Variants in ZNF737 observed in about 807,000 individuals in gnomAD.
The protein encoded by ZNF737 is zinc finger protein 102 (Y3).
Under a neutral mutation model 11.7 loss-of-function variants are expected in ZNF737, and 13 were observed. The observed-to-expected ratio is 1.11, with a 90% CI of 0.73 to 1.77. The LOEUF (loss-of-function observed/expected upper bound fraction) is 1.77, where lower values mean the gene tolerates loss of function less well. Among genes scored for constraint, ZNF737 ranks in the 40% most tolerant of loss-of-function variants. ZNF737 has a pLI of 0.00. For missense variants in ZNF737, 636 were observed against 638.0 expected (o/e 1.00, Z 0.03); for synonymous variants, 217 against 216.2 (o/e 1.00, Z -0.03).
At chr19:20,554,036 A>T (rs191111647) in intron 1 of ZNF737, among the ~76,000 whole-genome samples, 1 of 152,354 alleles carries the variant, frequency 6.6e-6, no homozygotes, top group African/African-American at 2.4e-5. Flanking sequence ...GATCCACAAC[A>T]TCAGTTCATG....
rs1202148715 is a variant in ZNF737, at chr19:20,541,201, CAT to C, written c.*3389_*3390del. On this transcript the variant is annotated 3_prime_UTR_variant, in exon 4 of 4. Coordinates refer to ENST00000427401, the MANE Select transcript of ZNF737 (RefSeq NM_001159293.2). ...TTAGTTTTGTTAATCACCTAAATAA[CAT>C]AATTTGTTTTGTTGCAGTAATTGCT... 4.1e-6 allele frequency: 4 copies of C among 983,010 alleles called. No individual in the cohort carries two copies. The South Asian group carries it at 1.4e-4, about 35-fold the overall frequency. The allele number at this position is 983,010 out of a possible 1,614,324, so 60.9% of individuals were successfully genotyped here.
intron 1 of ZNF737, among the ~76,000 whole-genome samples, chr19:20,554,261 T>C (rs1968803832): frequency 6.6e-6 from 1 of 152,182 alleles, no homozygotes; most frequent in African/African-American, 2.4e-5. Flanking sequence ...GGAATAAAGT[T>C]TGATTTTTTG....
downstream of ZNF737, among the ~76,000 whole-genome samples, chr19:20,531,570 C>T (rs1420420298): frequency 1.3e-5 from 2 of 149,470 alleles, no homozygotes; most frequent in Non-Finnish European, 3.0e-5. Context: ...ATTATCCTGC[C>T]TCTGCCTCCC....
chr19:20,548,621 CTTT>C (rs1323662549), intron 3 of ZNF737, among the ~76,000 whole-genome samples: 1 of 148,136 alleles, frequency 6.8e-6, no homozygotes, highest in African/African-American at 2.5e-5. Context: ...AAATGAACAG[CTTT>C]TTTTTTTGAG....
downstream of ZNF737, among the ~76,000 whole-genome samples, chr19:20,533,908 C>T (rs1386930316): frequency 6.7e-6 from 1 of 150,030 alleles, no homozygotes; most frequent in Non-Finnish European, 1.5e-5. Context: ...TTGAAATCAC[C>T]TGGACTGAGT....
intron 1 of ZNF737, 56 bp from the exon 2 acceptor site, chr19:20,553,891 A>G (rs1197676995): frequency 6.3e-7 from 1 of 1,586,898 alleles, no homozygotes; most frequent in East Asian, 2.2e-5. Context: ...GGAATTTTTA[A>G]TTTGACTTAA....
downstream of ZNF737, among the ~76,000 whole-genome samples, chr19:20,531,425 C>G (rs567393417): frequency 6.9e-6 from 1 of 145,366 alleles, no homozygotes; most frequent in South Asian, 2.3e-4. Context: ...TATAAAAGTA[C>G]TTTAAAGGTT....
rs192862158 is a variant in ZNF737 at position 20,542,885 on chromosome 19, C to T, written c.*1707G>A. 1.0e-6 allele frequency: 1 copy of T among 984,912 alleles called. No homozygotes were observed. Among genetic ancestry groups the T allele is most frequent in the African/African-American group, 1.7e-5 (1 of 57,226 alleles). 61.0% of individuals were successfully genotyped at this position (984,912 alleles called of 1,614,324 possible). The stretch of plus-strand genomic sequence containing the variant: ...GCATAATTTGAAAGCTGTATTACAT[C>T]ATTATTCAGCTTTCAAAAAATTTTA... On this transcript the variant is annotated 3_prime_UTR_variant, in exon 4 of 4. Transcript: ENST00000427401.
chr19:20,545,432 G>C lies in ZNF737; in HGVS notation c.771C>G (p.Tyr257Ter), dbSNP rs782645359. Reference sequence around the variant, plus strand: ...AGGCCTTGCCACATTCTTCACATTTGTAGGGTTTCTCTCCACTATGAATTA... The same window carrying C: ...AGGCCTTGCCACATTCTTCACATTTCTAGGGTTTCTCTCCACTATGAATTA... ...HKIIHSGEKP[Y>*]KCEECGKAFK... Residue 257 changes from tyrosine (Y) to a stop codon, truncating the protein, a stop_gained, in exon 4 of 4, where the codon TAC (tyrosine) becomes TAG (stop). Transcript: ENST00000427401. LOFTEE classifies it low-confidence loss of function (END_TRUNC). The C allele has an allele frequency of 1.3e-5, 21 of 1,613,746 alleles. 2 individuals carry two copies. In the South Asian group the frequency reaches 2.2e-4, roughly 17 times the overall value.
In ZNF737 at chr19:20,541,273, T is replaced by C. The variant is rs570380061; in HGVS notation, c.*3319A>G. 47 of 984,652 alleles carry C rather than the reference T, an allele frequency of 4.8e-5. No individual in the cohort carries two copies. Among genetic ancestry groups the C allele is most frequent in the Middle Eastern group, 5.2e-4 (1 of 1,914 alleles). 61.0% of individuals were successfully genotyped at this position (984,652 alleles called of 1,614,324 possible). A position where few individuals can be genotyped will look rare whatever the true frequency, so the allele number is the denominator to read the frequency against. Reference sequence around the variant, plus strand: ...CAAACCTATACTCACACAAAAACACTCAATTCATAATTTTCTTACACCTCA... The same window carrying C: ...CAAACCTATACTCACACAAAAACACCCAATTCATAATTTTCTTACACCTCA... On this transcript the variant is annotated 3_prime_UTR_variant, in exon 4 of 4. Transcript: ENST00000427401.
rs782005740 is a variant in ZNF737, at chr19:20,544,765, G to T, written c.1438C>A (p.Pro480Thr). ...TTGCCACATCGTTCACATTTGTAGG[G>T]TTTCTCTCCAGTATGAATTCTCTTA... ...AHKRIHTGEK[P>T]YKCERCGKAF... is the part of the protein sequence containing the mutation. Residue 480 changes from proline to threonine, a missense_variant, in exon 4 of 4, where the codon CCC becomes ACC. Pro to Thr is a conservative substitution (Grantham distance 38). Coordinates refer to ENST00000427401, the MANE Select transcript of ZNF737 (RefSeq NM_001159293.2). 1 of 1,609,218 alleles carries T rather than the reference G, an allele frequency of 6.2e-7. No homozygotes were observed. The highest frequency in any genetic ancestry group is 2.3e-5 in the East Asian group (1 of 44,418).
rs2144604391 is a variant in ZNF737 at position 20,543,398 on chromosome 19, A to C, written c.*1194T>G. The C allele has an allele frequency of 1.0e-6, 1 of 986,370 alleles. No homozygotes were observed. The highest frequency in any genetic ancestry group is 1.2e-6 in the Non-Finnish European group (1 of 829,670). The allele number at this position is 986,370 out of a possible 1,614,324, so 61.1% of individuals were successfully genotyped here. A position where few individuals can be genotyped will look rare whatever the true frequency, so the allele number is the denominator to read the frequency against. On this transcript the variant is annotated 3_prime_UTR_variant, in exon 4 of 4. Coordinates refer to ENST00000427401, the MANE Select transcript of ZNF737 (RefSeq NM_001159293.2). Reference sequence around the variant, plus strand: ...TGTAATGCTTGTCTTCACAATAAATACTCTTCTTCACTTTAAAGGCTTATA... The same window carrying C: ...TGTAATGCTTGTCTTCACAATAAATCCTCTTCTTCACTTTAAAGGCTTATA...
At chr19:20,537,347 C>G (rs1968010670), downstream of ZNF737, among the ~76,000 whole-genome samples, 1 of 151,324 alleles carries the variant, frequency 6.6e-6, no homozygotes, top group Non-Finnish European at 1.5e-5. Context: ...ATTACAGGCA[C>G]CTGCAACCAC....
At chr19:20,548,604 A>G (rs922918709) in intron 3 of ZNF737, among the ~76,000 whole-genome samples, 2 of 152,004 alleles carry the variant, frequency 1.3e-5, no homozygotes, top group African/African-American at 4.8e-5. Flanking sequence ...TATACTTAAC[A>G]TGACTGAAAT....
downstream of ZNF737, among the ~76,000 whole-genome samples, chr19:20,536,446 C>T (rs1967969420): frequency 6.6e-6 from 1 of 152,074 alleles, no homozygotes; most frequent in Admixed American, 6.5e-5. Context: ...TATTTCAATG[C>T]CTCCTTCACT....
intron 3 of ZNF737, among the ~76,000 whole-genome samples, chr19:20,547,599 A>G (rs1439173854): frequency 6.6e-6 from 1 of 152,064 alleles, no homozygotes; most frequent in East Asian, 1.9e-4. Flanking sequence ...AAAGTTGTTT[A>G]TTTCCTTGAA....
Position 20,544,628 on chromosome 19 carries a change from A to T in ZNF737, c.1575T>A (p.Thr525=). ...GKGFKCPSTL[T]THKVIHTGEK... is the part of the protein sequence containing the mutation. ...CTCCAGTATGAATTACCTTATGTGTAGTAAGGGTAGAGGGGCACTTAAAGC... is the reference window on the plus strand; with the variant it reads ...CTCCAGTATGAATTACCTTATGTGTTGTAAGGGTAGAGGGGCACTTAAAGC... The change falls in exon 4 of 4, where the codon ACT becomes ACA. Residue 525 remains threonine (T), a synonymous_variant. Transcript: ENST00000427401. 6.2e-7 allele frequency: 1 copy of T among 1,609,760 alleles called. No homozygotes were observed. Among genetic ancestry groups the T allele is most frequent in the South Asian group, 1.1e-5 (1 of 90,712 alleles).
intron 3 of ZNF737, among the ~76,000 whole-genome samples, chr19:20,548,661 T>G (rs540015226): frequency 6.6e-6 from 1 of 152,134 alleles, no homozygotes; most frequent in South Asian, 2.1e-4. Flanking sequence ...TCACCCAAGC[T>G]GGAGTGTAGT....
At chr19:20,546,101 G>A (rs1555757012) in intron 3 of ZNF737, 125 bp from the exon 4 acceptor site, 8 of 1,212,162 alleles carry the variant, frequency 6.6e-6, no homozygotes, top group Non-Finnish European at 7.8e-6. Flanking sequence ...ACCACAAACT[G>A]TAATTTCTTC....
Sources: allele counts gnomAD v4.1 joint callset (sites outside exome capture counted in the v4.1 genomes callset), GRCh38; gene constraint gnomAD v4.1.1; transcripts MANE v1.5; gene names NCBI Gene and HGNC (gene_info 2026-07-23, HGNC 2026-07-21).